The following CPA3 variants were observed in gnomAD, a reference collection of about 807,000 sequenced individuals.
The protein encoded by CPA3 is mast cell carboxypeptidase A.
Under a neutral mutation model 55.8 loss-of-function variants are expected in CPA3, and 52 were observed. The ratio of observed to expected loss-of-function variants is 0.93; its 90% CI spans 0.75 to 1.17. The LOEUF is 1.17. Ranked by LOEUF, CPA3 falls within the 50% of genes most tolerant of loss-of-function variation. The pLI is 0.00. For missense variants in CPA3, 547 were observed against 509.1 expected (o/e 1.07, Z -0.72); for synonymous variants, 179 against 171.2 (o/e 1.05, Z -0.36).
chr3:148,892,536 C>T (rs1714699925), intron 10 of CPA3, among the ~76,000 whole-genome samples: 1 of 151,608 alleles, frequency 6.6e-6, no homozygotes, highest in Admixed American at 6.6e-5. Flanking sequence ...ACCTGTAGTC[C>T]CAGCTACTCA....
chr3:148,891,128 G>T (rs548344813), intron 10 of CPA3, among the ~76,000 whole-genome samples: 1 of 152,196 alleles, frequency 6.6e-6, no homozygotes, highest in Non-Finnish European at 1.5e-5. Context: ...CTGAGCCTAG[G>T]TTTCTTCTTC....
intron 6 of CPA3, among the ~76,000 whole-genome samples, chr3:148,881,209 A>G (rs1221847428): frequency 6.6e-6 from 1 of 152,216 alleles, no homozygotes; most frequent in African/African-American, 2.4e-5. Flanking sequence ...AAGTTGTATT[A>G]CAAATTTTCC....
Position 148,896,595 on chromosome 3 carries a change from A to G in CPA3, c.1142A>G (p.Asp381Gly). ...CACACATTTGCCTTTGAGCTCCGAG[A>G]TAAAGGCAAATTTGGTTTTCTCCTT... ...IKHTFAFELR[D>G]KGKFGFLLPE... Residue 381 changes from aspartate to glycine, a missense_variant, in exon 11 of 11, where the codon GAT becomes GGT. Coordinates refer to ENST00000296046, the MANE Select transcript of CPA3 (RefSeq NM_001870.4). 6.3e-7 allele frequency: 1 copy of G among 1,590,358 alleles called. No individual in the cohort carries two copies. Among genetic ancestry groups the G allele is most frequent in the Non-Finnish European group, 8.6e-7 (1 of 1,161,946 alleles).
At chr3:148,883,915 A>G in intron 9 of CPA3, 100 bp downstream of exon 9, 2 of 866,698 alleles carry the variant, frequency 2.3e-6, no homozygotes, top group East Asian at 2.5e-5. Flanking sequence ...TCACATTTTA[A>G]TGTCAAAGAA....
At chr3:148,887,793 G>A (rs1192318808) in intron 10 of CPA3, among the ~76,000 whole-genome samples, 1 of 152,166 alleles carries the variant, frequency 6.6e-6, no homozygotes, top group Non-Finnish European at 1.5e-5. Flanking sequence ...TTATGCTTCA[G>A]ATTTCCTCTT....
chr3:148,872,988 T>C lies in CPA3; in HGVS notation c.269+3949T>C, dbSNP rs753526545. On this transcript the variant is annotated intron_variant, in intron 3 of 10. Transcript: ENST00000296046. ...GTTTCATGAAGATTGACTGGGATCG[T>C]AAAGTTGCTGTCTGCCTGGTCCTTT... Among the ~76,000 whole-genome samples, 21 of 151,904 alleles carry C rather than the reference T, an allele frequency of 1.4e-4. 1 individual carries two copies. Among genetic ancestry groups the C allele is most frequent in the Admixed American group, 7.2e-4 (11 of 15,244 alleles).
At chr3:148,885,937 T>C (rs1363648051) in intron 9 of CPA3, among the ~76,000 whole-genome samples, 156 bp from the exon 10 acceptor site, 2 of 152,142 alleles carry the variant, frequency 1.3e-5, no homozygotes, top group Non-Finnish European at 2.9e-5. Flanking sequence ...GTCCATCTCA[T>C]AGGGTTGTTA....
chr3:148,875,328 A>G (rs1409524938), intron 3 of CPA3, among the ~76,000 whole-genome samples: 1 of 152,228 alleles, frequency 6.6e-6, no homozygotes, highest in Non-Finnish European at 1.5e-5. Flanking sequence ...TAAGCCAAAT[A>G]AGAAAATTGT....
At chr3:148,877,787 C>T (rs913883750) in intron 3 of CPA3, among the ~76,000 whole-genome samples, 2 of 152,140 alleles carry the variant, frequency 1.3e-5, no homozygotes, top group African/African-American at 4.8e-5. Context: ...GTGCTAAGTA[C>T]CTGCTTACTA....
chr3:148,884,871 A>T (rs1372177578), intron 9 of CPA3, among the ~76,000 whole-genome samples: 1 of 151,942 alleles, frequency 6.6e-6, no homozygotes, highest in Non-Finnish European at 1.5e-5. Flanking sequence ...ATATCCACAA[A>T]AAAAAAAACC....
chr3:148,879,976 A>G, intron 6 of CPA3, 87 bp downstream of exon 6: 1 of 891,120 alleles, frequency 1.1e-6, no homozygotes, highest in Non-Finnish European at 1.9e-6. Flanking sequence ...CAAACACGCA[A>G]TTCCACTTAG....
At chr3:148,888,718 C>T (rs1714596133) in intron 10 of CPA3, among the ~76,000 whole-genome samples, 1 of 152,176 alleles carries the variant, frequency 6.6e-6, no homozygotes. Flanking sequence ...CAAACAGGAA[C>T]AAACTTTGCA....
At chr3:148,880,025 G>A (rs1261035258) in intron 6 of CPA3, 136 bp downstream of exon 6, 6 of 571,052 alleles carry the variant, frequency 1.1e-5, no homozygotes, top group South Asian at 5.0e-5. Flanking sequence ...GGGAAGAAAC[G>A]CTCTGAATTT....
chr3:148,890,876 T>G (rs1277837468), intron 10 of CPA3, among the ~76,000 whole-genome samples: 1 of 152,226 alleles, frequency 6.6e-6, no homozygotes, highest in Non-Finnish European at 1.5e-5. Flanking sequence ...CAACCAATAT[T>G]GTGCCTTGAA....
At position 148,886,503 on chromosome 3, in the gene CPA3, CAGGAACTAATG is replaced by C. The variant is rs535201486; in HGVS notation, c.1066+329_1066+339del. 4.7e-3 allele frequency among the ~76,000 whole-genome samples: 709 copies of C among 151,924 alleles called. 1 individual carries two copies. The highest frequency in any genetic ancestry group is 5.8e-3 in the Non-Finnish European group (396 of 67,952). On this transcript the variant is annotated intron_variant, in intron 10 of 10. Transcript: ENST00000296046. ...TACCACCAACAATGTTGTATCCTTC[CAGGAACTAATG>C]AGAATTCACTGGAGTGAGAAAAAAA...
At chr3:148,874,382 G>T (rs1015875948) in intron 3 of CPA3, among the ~76,000 whole-genome samples, 1 of 152,106 alleles carries the variant, frequency 6.6e-6, no homozygotes, top group African/African-American at 2.4e-5. Context: ...TTCTATTAAT[G>T]CAGGTGGAGC....
chr3:148,869,040 G>T lies in CPA3; in HGVS notation c.269+1G>T. ...TGGATCAAAATAAAATGCACTATGAGTAAGTCCTTGGCAAATATTGAAATT... is the reference window on the plus strand; with the variant it reads ...TGGATCAAAATAAAATGCACTATGATTAAGTCCTTGGCAAATATTGAAATT... On this transcript the variant is annotated splice_donor_variant, in intron 3 of 10. Transcript: ENST00000296046. LOFTEE classifies it high-confidence loss of function. 6.2e-7 allele frequency: 1 copy of T among 1,612,388 alleles called. No homozygotes were observed. The highest frequency in any genetic ancestry group is 1.1e-5 in the South Asian group (1 of 90,730).
At chr3:148,891,483 C>T (rs1576505842) in intron 10 of CPA3, among the ~76,000 whole-genome samples, 2 of 2,034 alleles carry the variant, frequency 9.8e-4, no homozygotes. Flanking sequence ...CTGTCACATA[C>T]ACACACACAC....
At chr3:148,890,462 C>CTTTTT (rs34691726) in intron 10 of CPA3, among the ~76,000 whole-genome samples, 2 of 152,072 alleles carry the variant, frequency 1.3e-5, no homozygotes, top group Non-Finnish European at 2.9e-5. Flanking sequence ...ACCCAGTGCT[C>CTTTTT]TTTTTCCATA....
Sources: allele counts gnomAD v4.1 joint callset (sites outside exome capture counted in the v4.1 genomes callset), GRCh38; gene constraint gnomAD v4.1.1; transcripts MANE v1.5; gene names NCBI Gene and HGNC (gene_info 2026-07-23, HGNC 2026-07-21).